WWOX: variants seen among roughly 807,000 people sequenced by gnomAD.
WWOX encodes the protein WW domain containing oxidoreductase.
A neutral mutation model predicts 46.2 loss-of-function variants in WWOX; 69 were observed. That is an observed-to-expected ratio of 1.49 (90% confidence interval 1.23 to 1.82). The LOEUF is 1.82. Ranked by LOEUF, WWOX falls within the 40% of genes most tolerant of loss-of-function variation. The pLI, the probability that WWOX is intolerant of heterozygous loss-of-function variation, is 0.00. For missense variants in WWOX, 919 were observed against 542.6 expected (o/e 1.69, Z -6.89); for synonymous variants, 359 against 202.6 (o/e 1.77, Z -6.56).
intron 8 of WWOX, among the ~76,000 whole-genome samples, chr16:78,724,088 G>C (rs1015049591): frequency 6.6e-6 from 1 of 152,072 alleles, no homozygotes; most frequent in African/African-American, 2.4e-5. Flanking sequence ...CTTTACCTTG[G>C]CAAAAATTCA....
chr16:78,815,260 G>A (rs1307978542), intron 8 of WWOX, among the ~76,000 whole-genome samples: 1 of 151,998 alleles, frequency 6.6e-6, no homozygotes. Context: ...CGGAGATGGA[G>A]GTTGCAGTGA....
chr16:78,944,294 T>G (rs2045908108), intron 8 of WWOX, among the ~76,000 whole-genome samples: 1 of 152,186 alleles, frequency 6.6e-6, no homozygotes, highest in Non-Finnish European at 1.5e-5. Context: ...TCTTTCAGCC[T>G]CTACCACATT....
intron 8 of WWOX, among the ~76,000 whole-genome samples, chr16:78,625,182 C>G (rs1001243713): frequency 6.6e-6 from 1 of 152,188 alleles, no homozygotes; most frequent in Non-Finnish European, 1.5e-5. Flanking sequence ...CCTTTGACAA[C>G]TCAGCTTCAT....
rs916335863 is a variant in WWOX, at chr16:78,263,946, C to T, written c.516+99657C>T. 8.2e-5 allele frequency among the ~76,000 whole-genome samples: 12 copies of T among 146,452 alleles called. No individual in the cohort carries two copies. The Admixed American group carries it at 8.2e-4, about 10-fold the overall frequency. Reference sequence around the variant, plus strand: ...TAAAAATACAGCCTGCTTGCCATCTCACGACTTTTCCCTTAATGCAACAAA... The same window carrying T: ...TAAAAATACAGCCTGCTTGCCATCTTACGACTTTTCCCTTAATGCAACAAA... On this transcript the variant is annotated intron_variant, in intron 5 of 8. Transcript: ENST00000566780.
At chr16:78,566,083 G>A (rs2044557724) in intron 8 of WWOX, among the ~76,000 whole-genome samples, 1 of 152,134 alleles carries the variant, frequency 6.6e-6, no homozygotes. Flanking sequence ...CCTGCCTGAG[G>A]CTCTCTTTCT....
intron 8 of WWOX, among the ~76,000 whole-genome samples, chr16:78,531,680 T>TA (rs974577660): frequency 6.6e-6 from 1 of 152,004 alleles, no homozygotes; most frequent in Non-Finnish European, 1.5e-5. Context: ...CTGTCTCTAC[T>TA]AAAAATACAA....
chr16:78,370,007 C>T (rs2081632288), intron 5 of WWOX, among the ~76,000 whole-genome samples: 1 of 151,638 alleles, frequency 6.6e-6, no homozygotes, highest in Non-Finnish European at 1.5e-5. Context: ...TGGTGCATGT[C>T]TGTAATCCCA....
intron 8 of WWOX, among the ~76,000 whole-genome samples, chr16:78,500,405 TTTCC>T (rs869134503): frequency 6.7e-6 from 1 of 148,958 alleles, no homozygotes; most frequent in East Asian, 1.9e-4. Flanking sequence ...CCTTTTCTTC[TTTCC>T]TTCCTTCCTT....
intron 8 of WWOX, among the ~76,000 whole-genome samples, chr16:78,720,623 C>T (rs1398926066): frequency 1.3e-5 from 2 of 152,028 alleles, no homozygotes; most frequent in African/African-American, 2.4e-5. Flanking sequence ...AACCTGCCAG[C>T]ATTTCACATT....
intron 8 of WWOX, among the ~76,000 whole-genome samples, chr16:78,498,118 T>G (rs1224794822): frequency 5.5e-5 from 8 of 145,616 alleles, no homozygotes; most frequent in Admixed American, 2.9e-4. Context: ...GGCAGGAGAA[T>G]GGCATGAACA....
chr16:78,479,870 C>T (rs1349289802), intron 8 of WWOX, among the ~76,000 whole-genome samples: 1 of 152,136 alleles, frequency 6.6e-6, no homozygotes, highest in Non-Finnish European at 1.5e-5. Context: ...AATGTTGACC[C>T]AGCGGGGCTG....
intron 5 of WWOX, among the ~76,000 whole-genome samples, chr16:78,325,494 G>A (rs1355757307): frequency 6.6e-6 from 1 of 152,144 alleles, no homozygotes; most frequent in South Asian, 2.1e-4. Context: ...TGAATTATTA[G>A]AATGACAAAT....
chr16:78,561,212 C>G (rs760679461), intron 8 of WWOX, among the ~76,000 whole-genome samples: 11 of 151,942 alleles, frequency 7.2e-5, no homozygotes, highest in African/African-American at 2.7e-4. Context: ...CATCTCAAAG[C>G]CAGCAACAGA....
chr16:79,023,807 T>G (rs140742676), intron 8 of WWOX, among the ~76,000 whole-genome samples: 9,176 of 119,292 alleles, frequency 0.077, 408 homozygotes, highest in Non-Finnish European at 0.11. Context: ...AAAAAAAAAA[T>G]TAGCCAGACA....
At chr16:79,206,997 C>G (rs1159914294) in intron 8 of WWOX, among the ~76,000 whole-genome samples, 2 of 152,154 alleles carry the variant, frequency 1.3e-5, no homozygotes, top group African/African-American at 2.4e-5. Context: ...TGAGGAATGG[C>G]TGTATCCCAA....
intron 8 of WWOX, among the ~76,000 whole-genome samples, chr16:78,554,563 T>C (rs1219513253): frequency 6.6e-6 from 1 of 152,194 alleles, no homozygotes; most frequent in Non-Finnish European, 1.5e-5. Flanking sequence ...ATATATTGTA[T>C]GATACATATC....
chr16:78,881,120 G>A (rs2044335157), intron 8 of WWOX, among the ~76,000 whole-genome samples: 1 of 151,746 alleles, frequency 6.6e-6, no homozygotes. Flanking sequence ...GCCTCCCAAG[G>A]GAGCTGGGAC....
At chr16:79,148,966 G>T (rs1007331490) in intron 8 of WWOX, among the ~76,000 whole-genome samples, 1 of 151,928 alleles carries the variant, frequency 6.6e-6, no homozygotes, top group Non-Finnish European at 1.5e-5. Flanking sequence ...TTTCTATCTA[G>T]CCTGTCATGT....
chr16:78,764,730 T>G (rs140044935), intron 8 of WWOX, among the ~76,000 whole-genome samples: 423 of 151,444 alleles, frequency 2.8e-3, no homozygotes, highest in Non-Finnish European at 4.6e-3. Context: ...ACCTCCTTCC[T>G]AAGGCTGTGA....
Sources: gnomAD v4.1 joint callset for allele counts (sites outside exome capture counted in the v4.1 genomes callset) on GRCh38, gnomAD v4.1.1 for gene constraint, MANE v1.5 for transcripts, NCBI Gene and HGNC (gene_info 2026-07-23, HGNC 2026-07-21) for gene names.